Variants in MYH13 observed in about 807,000 individuals in gnomAD.
MYH13 encodes the protein myosin-13.
MYH13 carries 177 observed loss-of-function variants against 232.1 expected under a neutral mutation model. That is an observed-to-expected ratio of 0.76 (90% CI 0.67 to 0.86). The LOEUF (loss-of-function observed/expected upper bound fraction) is 0.86. MYH13 is among the 40% of genes least tolerant of loss of function. The probability of loss-of-function intolerance (pLI) is 0.00; values close to 1 mark genes in which losing one functional copy is unlikely to be tolerated. For synonymous variants in MYH13, 884 were observed against 923.5 expected (o/e 0.96, Z 0.78); for missense variants, 2,246 against 2,405.9 (o/e 0.93, Z 1.39).
At chr17:10,337,474 C>A (rs2071583924) in intron 18 of MYH13, among the ~76,000 whole-genome samples, 1 of 152,106 alleles carries the variant, frequency 6.6e-6, no homozygotes. Flanking sequence ...ACTAGCAAGC[C>A]CCGTATGTGC....
At chr17:10,312,832 G>T (rs1906558739) in intron 30 of MYH13, 75 bp from the exon 31 acceptor site, 17 of 1,467,068 alleles carry the variant, frequency 1.2e-5, no homozygotes, top group Non-Finnish European at 1.2e-5. Context: ...GATGGGAAGA[G>T]AAATGAATAG....
At position 10,354,901 on chromosome 17, in the gene MYH13, G is replaced by T; in HGVS notation, c.895C>A (p.Leu299Ile). Residue 299 changes from leucine to isoleucine, a missense_variant, in exon 10 of 41, where the codon CTA (leucine) becomes ATA (isoleucine). Physicochemically the swap from Leu to Ile is conservative, Grantham distance 5. Transcript: ENST00000252172. ...AGGTATTCCAAGAGCTTACCAATTA[G>T]TTCTGGCTTCTTGTTTGACATAATT... ...YQIMSNKKPE[L>I]IDLLLISTNP... 1 of 1,599,518 alleles carries T rather than the reference G, an allele frequency of 6.3e-7. No individual in the cohort carries two copies. Among genetic ancestry groups the T allele is most frequent in the Non-Finnish European group, 8.6e-7 (1 of 1,166,916 alleles).
intron 3 of MYH13, 39 bp from the exon 4 acceptor site, chr17:10,362,542 G>A (rs762356220): frequency 4.3e-6 from 7 of 1,613,402 alleles, no homozygotes; most frequent in Non-Finnish European, 5.9e-6. Context: ...AAATTGGTGA[G>A]CCAAGTGCCC....
intron 18 of MYH13, among the ~76,000 whole-genome samples, chr17:10,333,504 G>A (rs1378403713): frequency 6.6e-6 from 1 of 152,248 alleles, no homozygotes; most frequent in Non-Finnish European, 1.5e-5. Context: ...GTGAGTACAG[G>A]GTGCACTTGG....
chr17:10,362,049 C>T (rs12948227), intron 5 of MYH13, 69 bp downstream of exon 5: 339,810 of 1,611,102 alleles, frequency 0.21, 37,750 homozygotes, highest in Non-Finnish European at 0.23. Context: ...AGATGGCCAA[C>T]GCCCATCAAA....
At chr17:10,348,063 T>G (rs2071680806) in intron 12 of MYH13, among the ~76,000 whole-genome samples, 1 of 152,092 alleles carries the variant, frequency 6.6e-6, no homozygotes. Context: ...GGTGGGGAGA[T>G]GAGTTAATAA....
chr17:10,322,919 C>T lies in MYH13; in HGVS notation c.2934+1103G>A, dbSNP rs558124701. The stretch of plus-strand genomic sequence containing the variant: ...AAGTGCTGGGATTACAGGCATAAGC[C>T]ACCGCACCTGGCCCTATATTTCATT... On this transcript the variant is annotated intron_variant, in intron 23 of 40. Coordinates refer to ENST00000252172, the MANE Select transcript of MYH13 (RefSeq NM_003802.3). Among the ~76,000 whole-genome samples, 21 of 152,284 alleles carry T rather than the reference C, an allele frequency of 1.4e-4. No individual in the cohort carries two copies. The East Asian group carries it at 3.9e-3, about 28-fold the overall frequency.
At chr17:10,305,973 G>A (rs759913124) in intron 37 of MYH13, among the ~76,000 whole-genome samples, 2 of 152,112 alleles carry the variant, frequency 1.3e-5, no homozygotes, top group Non-Finnish European at 2.9e-5. Flanking sequence ...AGCTGGGGAG[G>A]GAAGGAAACC....
chr17:10,303,515 G>T lies in MYH13; in HGVS notation c.5467-17C>A. ...CTCCCGCACCTGAGTAGGATGAAAGGAACACAGAATTCAAATCTCCTCTCC... is the reference window on the plus strand; with the variant it reads ...CTCCCGCACCTGAGTAGGATGAAAGTAACACAGAATTCAAATCTCCTCTCC... On this transcript the variant is annotated splice_polypyrimidine_tract_variant and intron_variant, in intron 37 of 40. Transcript: ENST00000252172. The T allele has an allele frequency of 6.2e-7, 1 of 1,607,242 alleles. No individual in the cohort carries two copies. The highest frequency in any genetic ancestry group is 8.5e-7 in the Non-Finnish European group (1 of 1,173,726).
chr17:10,312,130 G>A (rs1906528129), intron 31 of MYH13, 54 bp from the exon 32 acceptor site: 1 of 1,597,418 alleles, frequency 6.3e-7, no homozygotes. Context: ...TGACTCAGAA[G>A]AGTTCATGCA....
intron 22 of MYH13, among the ~76,000 whole-genome samples, chr17:10,326,277 G>T (rs917251891): frequency 6.6e-6 from 1 of 152,252 alleles, no homozygotes; most frequent in South Asian, 2.1e-4. Context: ...TCTCTTGTCC[G>T]CTGTACCTGG....
At chr17:10,342,088 C>T (rs568845632) in intron 16 of MYH13, among the ~76,000 whole-genome samples, 21 of 152,194 alleles carry the variant, frequency 1.4e-4, no homozygotes, top group African/African-American at 4.6e-4. Flanking sequence ...CTCTGTCATC[C>T]GGGCTGGAGT....
intron 13 of MYH13, among the ~76,000 whole-genome samples, chr17:10,346,369 A>G (rs967594173): frequency 2.0e-5 from 3 of 152,210 alleles, no homozygotes; most frequent in African/African-American, 7.2e-5. Flanking sequence ...AGAGAGGTCC[A>G]GGAAACTTAT....
In MYH13 at chr17:10,312,727, T is replaced by G. The variant is rs766564476; in HGVS notation, c.4212A>C (p.Ala1404=). The change falls in exon 31 of 41, where the codon GCA becomes GCC. Residue 1404 remains alanine, a synonymous_variant. Coordinates refer to ENST00000252172, the MANE Select transcript of MYH13 (RefSeq NM_003802.3). ...KKKLAQRLQE[A]EENTETANSK... ...AGTTCGCCGTCTCCGTGTTCTCCTC[T>G]GCTTCCTGGAGCCTCTGGGCCAGTT... The G allele has an allele frequency of 8.1e-6, 13 of 1,613,494 alleles. No homozygotes were observed. Among genetic ancestry groups the G allele is most frequent in the Non-Finnish European group, 8.5e-6 (10 of 1,179,738 alleles).
intron 2 of MYH13, among the ~76,000 whole-genome samples, chr17:10,365,303 C>T (rs766406775): frequency 2.4e-4 from 36 of 152,168 alleles, no homozygotes; most frequent in Non-Finnish European, 4.9e-4. Flanking sequence ...TGGTTAGCCC[C>T]GTGAAAAGTG....
intron 1 of MYH13, 64 bp downstream of exon 1, chr17:10,372,915 G>A (rs999930673): frequency 2.0e-5 from 3 of 152,054 alleles, no homozygotes; most frequent in Non-Finnish European, 4.4e-5. Flanking sequence ...CCCTTGACTG[G>A]TAACCTGATC....
At chr17:10,338,884 G>A (rs1433929156) in intron 18 of MYH13, among the ~76,000 whole-genome samples, 3 of 152,068 alleles carry the variant, frequency 2.0e-5, no homozygotes, top group Non-Finnish European at 4.4e-5. Context: ...TGCATTTTTA[G>A]TAGAGACGGG....
chr17:10,324,359 A>G, intron 22 of MYH13, 95 bp from the exon 23 acceptor site: 1 of 1,481,246 alleles, frequency 6.8e-7, no homozygotes, highest in Non-Finnish European at 9.2e-7. Context: ...ATCTACACCT[A>G]AGCCAAGAAA....
At chr17:10,316,230 G>C (rs1419026400) in intron 27 of MYH13, among the ~76,000 whole-genome samples, 1 of 152,244 alleles carries the variant, frequency 6.6e-6, no homozygotes, top group African/African-American at 2.4e-5. Flanking sequence ...GGAGGCCGAG[G>C]AGGGTGGATC....
Sources: allele counts gnomAD v4.1 joint callset (sites outside exome capture counted in the v4.1 genomes callset), GRCh38; gene constraint gnomAD v4.1.1; transcripts MANE v1.5; gene names NCBI Gene and HGNC (gene_info 2026-07-23, HGNC 2026-07-21).